The following SASH1 variants were observed in gnomAD, a reference collection of about 807,000 sequenced individuals.
The protein encoded by SASH1 is SAM and SH3 domain-containing protein 1.
A neutral mutation model predicts 125.2 loss-of-function variants in SASH1; 44 were observed. That is an observed-to-expected ratio of 0.35 (90% CI 0.28 to 0.45). The LOEUF (loss-of-function observed/expected upper bound fraction) is 0.45. Among genes scored for constraint, SASH1 ranks in the 20% least tolerant of loss-of-function variants. The probability of loss-of-function intolerance (pLI) is 1.00; values close to 1 mark genes in which losing one functional copy is unlikely to be tolerated. For synonymous variants in SASH1, 639 were observed against 649.1 expected (o/e 0.98, Z 0.24); for missense variants, 1,426 against 1,614.5 (o/e 0.88, Z 2.00).
intron 1 of SASH1, among the ~76,000 whole-genome samples, chr6:148,355,243 C>T (rs970627661): frequency 6.6e-6 from 1 of 152,160 alleles, no homozygotes; most frequent in Non-Finnish European, 1.5e-5. Context: ...AAAAAACCTT[C>T]TCAGAATGTA....
At chr6:148,322,912 T>TTCTTTCTTTCTCTC (rs1780681436) in intron 1 of SASH1, among the ~76,000 whole-genome samples, 1 of 118,434 alleles carries the variant, frequency 8.4e-6, no homozygotes, top group African/African-American at 3.3e-5. Flanking sequence ...CTCTCTTTCT[T>TTCTTTCTTTCTCTC]TCTTTTTTCT....
intron 1 of SASH1, among the ~76,000 whole-genome samples, chr6:148,293,478 T>C (rs1457156831): frequency 6.6e-6 from 1 of 152,218 alleles, no homozygotes; most frequent in Non-Finnish European, 1.5e-5. Flanking sequence ...TGGCACTGGA[T>C]TGGCGCCACT....
intron 2 of SASH1, among the ~76,000 whole-genome samples, chr6:148,414,995 G>A (rs976568885): frequency 5.9e-5 from 9 of 152,182 alleles, no homozygotes; most frequent in African/African-American, 2.2e-4. Flanking sequence ...CATTTCTCAA[G>A]AGGGAATATT....
At chr6:148,491,779 T>A (rs1171800396) in intron 8 of SASH1, among the ~76,000 whole-genome samples, 1 of 152,206 alleles carries the variant, frequency 6.6e-6, no homozygotes, top group Non-Finnish European at 1.5e-5. Context: ...AAGCCCTGCC[T>A]GGTTTACTTT....
chr6:148,373,855 C>T (rs542222914), intron 1 of SASH1, among the ~76,000 whole-genome samples: 5 of 152,280 alleles, frequency 3.3e-5, no homozygotes, highest in South Asian at 4.1e-4. Context: ...CACCTGTAAT[C>T]GCAGCTGCCT....
At chr6:148,225,756 T>A in the SASH1 span, among the ~76,000 whole-genome samples, 1 of 152,196 alleles carries the variant, frequency 6.6e-6, no homozygotes, top group Non-Finnish European at 1.5e-5. Context: ...AAGGTTGAAT[T>A]GCTAGATAAC....
At chr6:148,286,886 G>A (rs1330098130) in intron 1 of SASH1, among the ~76,000 whole-genome samples, 1 of 152,134 alleles carries the variant, frequency 6.6e-6, no homozygotes, top group Non-Finnish European at 1.5e-5. Flanking sequence ...GCGGTCCAGA[G>A]ACTCAACCAT....
rs910721539 is a variant in SASH1, at chr6:148,549,814, CT to C, written c.*1268del. 21,731 of 294,054 alleles carry C rather than the reference CT, an allele frequency of 0.074. No homozygotes were observed. The highest frequency in any genetic ancestry group is 0.11 in the East Asian group (2,133 of 19,546). 18.2% of individuals were successfully genotyped at this position (294,054 alleles called of 1,614,324 possible). A position where few individuals can be genotyped will look rare whatever the true frequency, so the allele number is the denominator to read the frequency against. ...ACAACTGATTTCAGCACATTCTATCCTTTTTTTTTTTTGAAATGGAGTTTCG... is the reference window on the plus strand; with the variant it reads ...ACAACTGATTTCAGCACATTCTATCCTTTTTTTTTTTGAAATGGAGTTTCG... On this transcript the variant is annotated 3_prime_UTR_variant, in exon 20 of 20. Coordinates refer to ENST00000367467, the MANE Select transcript of SASH1 (RefSeq NM_015278.5).
chr6:148,359,245 G>A (rs1440150543), intron 1 of SASH1, among the ~76,000 whole-genome samples: 2 of 151,066 alleles, frequency 1.3e-5, no homozygotes, highest in Admixed American at 6.6e-5. Context: ...TGTAACCTCC[G>A]CCTCCTGGGC....
chr6:148,341,352 T>C (rs528164788), upstream of SASH1, among the ~76,000 whole-genome samples: 1 of 149,778 alleles, frequency 6.7e-6, no homozygotes, highest in African/African-American at 2.5e-5. Flanking sequence ...TTTGTATTTT[T>C]AGTAGAGACA....
the SASH1 span, among the ~76,000 whole-genome samples, chr6:148,212,317 C>T: frequency 2.0e-5 from 3 of 152,260 alleles, no homozygotes; most frequent in South Asian, 4.1e-4. Flanking sequence ...CATGGGGCAG[C>T]ACTGATGCCA....
At chr6:148,222,719 A>G in the SASH1 span, among the ~76,000 whole-genome samples, 1 of 152,150 alleles carries the variant, frequency 6.6e-6, no homozygotes, top group African/African-American at 2.4e-5. Flanking sequence ...ATTATCTTAT[A>G]AATTTTATTA....
intron 7 of SASH1, among the ~76,000 whole-genome samples, chr6:148,477,073 A>G (rs1429325621): frequency 6.6e-6 from 1 of 152,232 alleles, no homozygotes; most frequent in Admixed American, 6.5e-5. Flanking sequence ...ATCAAAATGG[A>G]TTAAAAACAA....
the SASH1 span, among the ~76,000 whole-genome samples, chr6:148,232,886 C>A: frequency 6.6e-6 from 1 of 152,076 alleles, no homozygotes; most frequent in South Asian, 2.1e-4. Context: ...AGTACATTAT[C>A]TGGTATATGT....
intron 8 of SASH1, among the ~76,000 whole-genome samples, chr6:148,498,372 G>C (rs9377142): frequency 0.067 from 10,137 of 151,630 alleles, 906 homozygotes; most frequent in East Asian, 0.46. Context: ...CTGCACTCCA[G>C]CCTGGGTGGC....
intron 8 of SASH1, among the ~76,000 whole-genome samples, chr6:148,489,850 CTGTGTGTGTG>C (rs151183028): frequency 0.25 from 34,202 of 136,472 alleles, 4,600 homozygotes; most frequent in Middle Eastern, 0.35. Flanking sequence ...GCTATATAGG[CTGTGTGTGTG>C]TGTGTGTGTG....
intron 2 of SASH1, among the ~76,000 whole-genome samples, chr6:148,399,133 C>T (rs1000116999): frequency 2.0e-5 from 3 of 151,538 alleles, no homozygotes; most frequent in South Asian, 4.2e-4. Context: ...CGGAAACCAC[C>T]GGGTTGGCTG....
intron 2 of SASH1, among the ~76,000 whole-genome samples, chr6:148,424,843 C>G (rs1032327101): frequency 6.6e-6 from 1 of 152,178 alleles, no homozygotes; most frequent in Non-Finnish European, 1.5e-5. Flanking sequence ...CAAAGTGTGG[C>G]TCCTCAGCCT....
At chr6:148,260,508 A>G in the SASH1 span, among the ~76,000 whole-genome samples, 1 of 151,724 alleles carries the variant, frequency 6.6e-6, no homozygotes, top group Non-Finnish European at 1.5e-5. Context: ...TGGGAGGCCG[A>G]GGCAGGAGGA....
Sources: allele counts gnomAD v4.1 joint callset (sites outside exome capture counted in the v4.1 genomes callset), GRCh38; gene constraint gnomAD v4.1.1; transcripts MANE v1.5; gene names NCBI Gene and HGNC (gene_info 2026-07-23, HGNC 2026-07-21).